The following GIMAP2 variants were observed in gnomAD, a reference collection of about 807,000 sequenced individuals.
GIMAP2 encodes GTPase IMAP family member 2.
GIMAP2 carries 22 observed loss-of-function variants against 25.5 expected under a neutral mutation model. That is an observed-to-expected ratio of 0.86 (90% CI 0.62 to 1.23). The LOEUF (loss-of-function observed/expected upper bound fraction) is 1.23. Among genes scored for constraint, GIMAP2 ranks in the 50% most tolerant of loss-of-function variants. The probability of loss-of-function intolerance (pLI) is 0.00; values close to 1 mark genes in which losing one functional copy is unlikely to be tolerated. For missense variants in GIMAP2, 422 were observed against 395.7 expected, an observed-to-expected ratio of 1.07 and a Z score of -0.56; for synonymous variants, 167 against 143.0, an observed-to-expected ratio of 1.17 and a Z score of -1.20.
At chr7:150,689,184 T>G (rs1486534277) in intron 2 of GIMAP2, among the ~76,000 whole-genome samples, 1 of 152,230 alleles carries the variant, frequency 6.6e-6, no homozygotes, top group Non-Finnish European at 1.5e-5. Flanking sequence ...AGGTTACATC[T>G]AACTCCTCTC....
chr7:150,691,685 C>A (rs1796966712), intron 2 of GIMAP2, among the ~76,000 whole-genome samples: 1 of 152,154 alleles, frequency 6.6e-6, no homozygotes, highest in African/African-American at 2.4e-5. Flanking sequence ...GAGATGGAAC[C>A]CATGGCCTTG....
In GIMAP2 at chr7:150,687,122, G is replaced by A. The variant is rs760338401; in HGVS notation, c.28+35G>A. Reference sequence around the variant, plus strand: ...TGACTTCACGTGTGTGTGTGTGTGTGTGTGTGTGTGTGTGTGTGTGTGTGT... The same window carrying A: ...TGACTTCACGTGTGTGTGTGTGTGTATGTGTGTGTGTGTGTGTGTGTGTGT... On this transcript the variant is annotated intron_variant, in intron 2 of 2. Coordinates refer to ENST00000223293, the MANE Select transcript of GIMAP2 (RefSeq NM_015660.3). The A allele has an allele frequency of 7.4e-6, 7 of 949,962 alleles. No individual in the cohort carries two copies. The South Asian group carries it at 1.1e-4, about 15-fold the overall frequency. 58.8% of individuals were successfully genotyped at this position (949,962 alleles called of 1,614,324 possible). A position where few individuals can be genotyped will look rare whatever the true frequency, so the allele number is the denominator to read the frequency against.
rs1430908317 is a variant in GIMAP2, at chr7:150,693,019, A to T, written c.733A>T (p.Lys245Ter). 1 of 1,614,098 alleles carries T rather than the reference A, an allele frequency of 6.2e-7. No homozygotes were observed. The highest frequency in any genetic ancestry group is 8.5e-7 in the Non-Finnish European group (1 of 1,180,028). Residue 245 changes from lysine (K) to a stop codon, truncating the protein, a stop_gained, in exon 3 of 3, where the codon AAG becomes TAG. Transcript: ENST00000223293. LOFTEE classifies it high-confidence loss of function. ...AAAGGAATTCAAACAGAGCCTTATA[A>T]AGTACATGGAAACTCAAAGAAGTTA... Reference protein sequence around the residue: ...RVKEFKQSLIKYMETQRSYTA... With the variant: ...RVKEFKQSLI
chr7:150,689,952 T>C (rs1230858509), intron 2 of GIMAP2, among the ~76,000 whole-genome samples: 1 of 152,124 alleles, frequency 6.6e-6, no homozygotes, highest in Non-Finnish European at 1.5e-5. Context: ...GAATTTAATC[T>C]TTGGTTAAAT....
intron 2 of GIMAP2, chr7:150,689,559 T>G: frequency 1.4e-6 from 1 of 702,788 alleles, no homozygotes; most frequent in Non-Finnish European, 2.6e-6. Context: ...CAGGAGCTGC[T>G]TGGCTGCTGT....
At position 150,691,104 on chromosome 7, in the gene GIMAP2, CAT is replaced by C. The variant is rs942146041; in HGVS notation, c.29-1207_29-1206del. Among the ~76,000 whole-genome samples the C allele has an allele frequency of 1.4e-3, 216 of 152,306 alleles. 3 individuals are homozygous for C. The highest frequency in any genetic ancestry group is 4.9e-3 in the African/African-American group (205 of 41,576). On this transcript the variant is annotated intron_variant, in intron 2 of 2. Transcript: ENST00000223293. ...TGTTATCATGGTATTCCGTTTCACT[CAT>C]ATAGGTCAAATGTTCCTCCCTTACA...
In GIMAP2 at chr7:150,688,347, T is replaced by C. The variant is rs377614254; in HGVS notation, c.28+1260T>C. Among the ~76,000 whole-genome samples, 8 of 152,236 alleles carry C rather than the reference T, an allele frequency of 5.3e-5. No homozygotes were observed. The East Asian group carries it at 1.2e-3, about 22-fold the overall frequency. Reference sequence around the variant, plus strand: ...GGTTTCACCATGTTGGCCAGGCTGATCTCAAATTCCTGACCTCAAGTGATC... The same window carrying C: ...GGTTTCACCATGTTGGCCAGGCTGACCTCAAATTCCTGACCTCAAGTGATC... On this transcript the variant is annotated intron_variant, in intron 2 of 2. Coordinates refer to ENST00000223293, the MANE Select transcript of GIMAP2 (RefSeq NM_015660.3).
Position 150,690,473 on chromosome 7 carries a change from C to G in GIMAP2, c.29-1842C>G, listed in dbSNP as rs138413980. ...CTGGTGGGCATTGCAGCACCTAACC[C>G]TAAATCATATCATTGCTAGGAGGAG... On this transcript the variant is annotated intron_variant, in intron 2 of 2. Transcript: ENST00000223293. 5.5e-4 allele frequency among the ~76,000 whole-genome samples: 83 copies of G among 152,272 alleles called. No individual in the cohort carries two copies. In the East Asian group the frequency reaches 0.015, roughly 28 times the overall value.
At chr7:150,688,678 C>T (rs543298296) in intron 2 of GIMAP2, among the ~76,000 whole-genome samples, 33 of 152,290 alleles carry the variant, frequency 2.2e-4, no homozygotes, top group African/African-American at 7.7e-4. Flanking sequence ...ATGCTAGTCC[C>T]TCCTTCCCCA....
Position 150,692,572 on chromosome 7 carries a change from C to A in GIMAP2, c.286C>A (p.Gln96Lys). ...CTGTGAAGCTCTGTACAAAGAGGTG[C>A]AGAGGTGCTACTTGCTGTCTGCACC... ...DHCEALYKEVQRCYLLSAPGP... is the reference protein window; with the variant it reads ...DHCEALYKEVKRCYLLSAPGP... Residue 96 changes from glutamine (Q) to lysine (K), a missense_variant, in exon 3 of 3, where the codon CAG becomes AAG. By Grantham distance (53) the Gln-to-Lys change is moderately conservative (BLOSUM62 1). Transcript: ENST00000223293. 6.2e-7 allele frequency: 1 copy of A among 1,614,098 alleles called. No homozygotes were observed. The highest frequency in any genetic ancestry group is 8.5e-7 in the Non-Finnish European group (1 of 1,179,974).
Position 150,692,923 on chromosome 7 carries a change from C to T in GIMAP2, c.637C>T (p.His213Tyr). ...TCTGTTGATGGAGAAAAATGGTGAT[C>T]ACTATACCAATGGGTTGTACAGCCT... The part of the protein sequence containing the change: ...EDLLMEKNGD[H>Y]YTNGLYSLIQ... Residue 213 changes from histidine to tyrosine, a missense_variant, in exon 3 of 3, where the codon CAC (histidine) becomes TAC (tyrosine). Physicochemically the swap from His to Tyr is moderately conservative, Grantham distance 83. Coordinates refer to ENST00000223293, the MANE Select transcript of GIMAP2 (RefSeq NM_015660.3). The T allele has an allele frequency of 6.2e-7, 1 of 1,614,176 alleles. No homozygotes were observed. Among genetic ancestry groups the T allele is most frequent in the Non-Finnish European group, 8.5e-7 (1 of 1,180,008 alleles).
chr7:150,686,512 G>A (rs1200130197), intron 1 of GIMAP2, among the ~76,000 whole-genome samples: 2 of 152,146 alleles, frequency 1.3e-5, no homozygotes, highest in African/African-American at 4.8e-5. Context: ...AGAGAGAGCT[G>A]GGCATGAGGC....
At position 150,692,366 on chromosome 7, in the gene GIMAP2, T is replaced by C. The variant is rs1432579149; in HGVS notation, c.80T>C (p.Leu27Pro). The stretch of plus-strand genomic sequence containing the variant: ...AGCAGATCTGAGCTGAGAATCATCC[T>C]GGTGGGCAAAACAGGAACTGGCAAA... ...CASRSELRII[L>P]VGKTGTGKSA... is the part of the protein sequence containing the mutation. Residue 27 changes from leucine (L) to proline (P), a missense_variant, in exon 3 of 3, where the codon CTG (leucine) becomes CCG (proline). Leu to Pro is a moderately conservative substitution (Grantham distance 98). Coordinates refer to ENST00000223293, the MANE Select transcript of GIMAP2 (RefSeq NM_015660.3). 6.2e-7 allele frequency: 1 copy of C among 1,614,142 alleles called. No homozygotes were observed. Among genetic ancestry groups the C allele is most frequent in the South Asian group, 1.1e-5 (1 of 91,074 alleles).
chr7:150,687,155 T>TGTGTGTGTG (rs1796913382), intron 2 of GIMAP2, 68 bp downstream of exon 2: 32 of 1,106,172 alleles, frequency 2.9e-5, no homozygotes, highest in African/African-American at 8.3e-5. Flanking sequence ...TGTGTGTGTG[T>TGTGTGTGTG]TTGGCTCTTC....
At chr7:150,692,183 C>G in intron 2 of GIMAP2, 132 bp from the exon 3 acceptor site, 4 of 797,612 alleles carry the variant, frequency 5.0e-6, no homozygotes, top group Non-Finnish European at 7.8e-6. Context: ...CGAGATCACG[C>G]CATTGCACTC....
intron 2 of GIMAP2, among the ~76,000 whole-genome samples, chr7:150,689,190 C>T (rs1156441607): frequency 2.0e-5 from 3 of 152,204 alleles, no homozygotes; most frequent in African/African-American, 7.2e-5. Flanking sequence ...CATCTAACTC[C>T]TCTCAAAAAT....
At chr7:150,688,248 A>G (rs776674437) in intron 2 of GIMAP2, among the ~76,000 whole-genome samples, 2 of 152,088 alleles carry the variant, frequency 1.3e-5, no homozygotes, top group Admixed American at 6.5e-5. Context: ...CTCCTGCCTC[A>G]GCCTCCTGAG....
intron 2 of GIMAP2, among the ~76,000 whole-genome samples, chr7:150,690,098 G>A (rs936271117): frequency 1.3e-5 from 2 of 152,156 alleles, no homozygotes; most frequent in African/African-American, 4.8e-5. Flanking sequence ...TACATGCTAG[G>A]AAGCTATGTT....
In GIMAP2 at chr7:150,685,741, C is replaced by T; in HGVS notation, c.-53C>T. The T allele has an allele frequency of 8.1e-6, 8 of 984,236 alleles. No individual in the cohort carries two copies. Among genetic ancestry groups the T allele is most frequent in the Non-Finnish European group, 9.7e-6 (8 of 828,912 alleles). The allele number at this position is 984,236 out of a possible 1,614,324, so 61.0% of individuals were successfully genotyped here. A position where few individuals can be genotyped will look rare whatever the true frequency, so the allele number is the denominator to read the frequency against. ...CTCTTGGAGCTGAGCTATAAGACAA[C>T]AGGACTGAACAGGGAGCCAACTGTT... On this transcript the variant is annotated 5_prime_UTR_variant, in exon 1 of 3. Transcript: ENST00000223293.
Sources: gnomAD v4.1 joint callset for allele counts (sites outside exome capture counted in the v4.1 genomes callset) on GRCh38, gnomAD v4.1.1 for gene constraint, MANE v1.5 for transcripts, NCBI Gene and HGNC (gene_info 2026-07-23, HGNC 2026-07-21) for gene names.